CUX2: variants seen among roughly 807,000 people sequenced by gnomAD.
The protein encoded by CUX2 is homeobox protein cut-like 2.
Under a neutral mutation model 144.8 loss-of-function variants are expected in CUX2, and 40 were observed. The observed-to-expected ratio is 0.28, with a 90% CI of 0.21 to 0.36. The LOEUF (loss-of-function observed/expected upper bound fraction) is 0.36, where lower values mean the gene tolerates loss of function less well. CUX2 is among the 10% of genes least tolerant of loss of function. The probability of loss-of-function intolerance (pLI) is 1.00; values close to 1 mark genes in which losing one functional copy is unlikely to be tolerated. For missense variants in CUX2, 1,615 were observed against 1,994.0 expected (o/e 0.81, Z 3.62); for synonymous variants, 827 against 875.6 (o/e 0.94, Z 0.98).
chr12:111,242,421 A>G (rs760309300), intron 3 of CUX2, among the ~76,000 whole-genome samples: 1 of 152,214 alleles, frequency 6.6e-6, no homozygotes, highest in Non-Finnish European at 1.5e-5. Flanking sequence ...CGACAAGGGC[A>G]GAGTTGAGGA....
At chr12:111,264,224 C>T (rs781645491) in intron 4 of CUX2, among the ~76,000 whole-genome samples, 1 of 152,192 alleles carries the variant, frequency 6.6e-6, no homozygotes, top group African/African-American at 2.4e-5. Context: ...GTACCTCCCC[C>T]AGAATGGCAC....
intron 18 of CUX2, among the ~76,000 whole-genome samples, chr12:111,331,520 C>T (rs1440518139): frequency 6.6e-6 from 1 of 152,004 alleles, no homozygotes. Context: ...TCAGGAGGCT[C>T]AGCTCACACT....
At chr12:111,122,228 C>T (rs1018019728) in intron 1 of CUX2, among the ~76,000 whole-genome samples, 2 of 152,328 alleles carry the variant, frequency 1.3e-5, no homozygotes, top group East Asian at 1.9e-4. Context: ...CTCCCCCACC[C>T]GTCCTCCATG....
At chr12:111,069,869 G>A (rs575448361) in intron 1 of CUX2, among the ~76,000 whole-genome samples, 1 of 152,222 alleles carries the variant, frequency 6.6e-6, no homozygotes, top group Non-Finnish European at 1.5e-5. Flanking sequence ...TGGGGAGGCG[G>A]GAGTTCAGCT....
chr12:111,083,722 T>G (rs1397502697), intron 1 of CUX2, among the ~76,000 whole-genome samples: 2 of 149,440 alleles, frequency 1.3e-5, no homozygotes, highest in African/African-American at 5.0e-5. Context: ...AACTCACAGG[T>G]AATAGAAGAT....
At chr12:111,318,728 G>C (rs1377308870) in intron 16 of CUX2, among the ~76,000 whole-genome samples, 1 of 151,864 alleles carries the variant, frequency 6.6e-6, no homozygotes, top group Non-Finnish European at 1.5e-5. Context: ...TGTCACCCAG[G>C]TCGGAGTGCA....
At position 111,348,192 on chromosome 12, in the gene CUX2, G is replaced by A. The variant is rs757367504; in HGVS notation, c.4328G>A (p.Gly1443Glu). The A allele has an allele frequency of 8.1e-6, 13 of 1,614,026 alleles. No individual in the cohort carries two copies. Among genetic ancestry groups the A allele is most frequent in the Non-Finnish European group, 1.1e-5 (13 of 1,180,030 alleles). The change falls in exon 22 of 22, where the codon GGA becomes GAA. Residue 1443 changes from glycine (G) to glutamate (E), a missense_variant. This residue lies in a region of CUX2 where 298 missense variants were observed against 330.4 expected (regional missense o/e 0.90). Transcript: ENST00000261726. The part of the protein sequence containing the change: ...PSASPTADMA[G>E]ALHPSAKVNP... Reference sequence around the variant, plus strand: ...GCCAGCCCCACTGCTGACATGGCTGGAGCCTTGCACCCCAGTGCCAAGGTG... The same window carrying A: ...GCCAGCCCCACTGCTGACATGGCTGAAGCCTTGCACCCCAGTGCCAAGGTG...
chr12:111,252,424 T>C (rs1033586108), intron 3 of CUX2, among the ~76,000 whole-genome samples: 2 of 152,154 alleles, frequency 1.3e-5, no homozygotes, highest in South Asian at 2.1e-4. Context: ...CCTACCCTGC[T>C]ATTTGCTTCC....
chr12:111,306,817 G>C (rs545328138), intron 10 of CUX2, 104 bp from the exon 11 acceptor site: 1 of 922,388 alleles, frequency 1.1e-6, no homozygotes, highest in Admixed American at 2.3e-5. Context: ...CCATCATCCA[G>C]ATCAACAAAT....
intron 1 of CUX2, among the ~76,000 whole-genome samples, chr12:111,154,775 C>T (rs111257637): frequency 0.011 from 1,630 of 152,172 alleles, 37 homozygotes; most frequent in African/African-American, 0.037. Flanking sequence ...TGTGGACTCC[C>T]GGGTCAGAAG....
At chr12:111,243,496 CTTTTTTTTTTT>C (rs761276935) in intron 3 of CUX2, among the ~76,000 whole-genome samples, 1 of 80,020 alleles carries the variant, frequency 1.2e-5, no homozygotes. Context: ...GTTGATGTGC[CTTTTTTTTTTT>C]TTTTTTTTTT....
chr12:111,144,367 T>A (rs1186719518), intron 1 of CUX2, among the ~76,000 whole-genome samples: 1 of 152,192 alleles, frequency 6.6e-6, no homozygotes, highest in East Asian at 1.9e-4. Flanking sequence ...CTGCTTTTCC[T>A]CCTATTCGGA....
In CUX2 at chr12:111,100,191, GTGTGTGTGTGTA is replaced by G. The variant is rs796968767; in HGVS notation, c.63+65963_63+65974del. ...AGCAGGAGCCTGTGACTGTGTGTGT[GTGTGTGTGTGTA>G]TGTGTGTGTGTGCTTGTGTCTGTGT... On this transcript the variant is annotated intron_variant, in intron 1 of 21. Transcript: ENST00000261726. 2.4e-3 allele frequency: 952 copies of G among 391,858 alleles called. 9 individuals carry two copies. The highest frequency in any genetic ancestry group is 0.018 in the African/African-American group (862 of 47,676). 24.3% of individuals were successfully genotyped at this position (391,858 alleles called of 1,614,324 possible). A position where few individuals can be genotyped will look rare whatever the true frequency, so the allele number is the denominator to read the frequency against.
chr12:111,257,200 C>CCCT (rs1883859428), intron 3 of CUX2, among the ~76,000 whole-genome samples: 1 of 150,478 alleles, frequency 6.6e-6, no homozygotes, highest in African/African-American at 2.4e-5. Flanking sequence ...CCTCCCTCTT[C>CCCT]CCTCCTCCTC....
chr12:111,234,103 T>C (rs1241682547), intron 3 of CUX2, among the ~76,000 whole-genome samples: 1 of 152,148 alleles, frequency 6.6e-6, no homozygotes, highest in Non-Finnish European at 1.5e-5. Flanking sequence ...TAGTCTAACA[T>C]TATATGCCCA....
At chr12:111,260,477 A>C (rs1884061490) in intron 3 of CUX2, among the ~76,000 whole-genome samples, 1 of 152,148 alleles carries the variant, frequency 6.6e-6, no homozygotes, top group Non-Finnish European at 1.5e-5. Context: ...AAAAAAAAAA[A>C]AGTATTGGGG....
Position 111,320,745 on chromosome 12 carries a change from C to A in CUX2, c.2736C>A (p.Asn912Lys). 2.5e-6 allele frequency: 4 copies of A among 1,579,020 alleles called. No homozygotes were observed. The highest frequency in any genetic ancestry group is 3.4e-6 in the Non-Finnish European group (4 of 1,169,262). ...TRQVKEKLAK[N>K]GICQRIFGEK... The stretch of plus-strand genomic sequence containing the variant: ...AGGTCAAGGAGAAGCTGGCCAAGAA[C>A]GGCATCTGCCAGAGGATCTTCGGGG... The change falls in exon 17 of 22, where the codon AAC (asparagine) becomes AAA (lysine). Residue 912 changes from asparagine (N) to lysine (K), a missense_variant. Around this residue, in one of 12 missense-constraint regions of CUX2, gnomAD observed 390 missense variants for 387.1 expected, o/e 1.01. Coordinates refer to ENST00000261726, the MANE Select transcript of CUX2 (RefSeq NM_015267.4). This position sits in a 1 kb window ranked among gnomAD's most constrained non-coding sequence, Gnocchi z 8.1.
At chr12:111,272,717 G>C (rs140999529) in intron 4 of CUX2, among the ~76,000 whole-genome samples, 2,653 of 152,276 alleles carry the variant, frequency 0.017, 37 homozygotes, top group Middle Eastern at 0.031. Context: ...ACCTGCCTCG[G>C]CCTCCCAAAG....
intron 21 of CUX2, among the ~76,000 whole-genome samples, chr12:111,346,594 G>A (rs975616318): frequency 3.9e-5 from 6 of 152,128 alleles, no homozygotes; most frequent in Non-Finnish European, 8.8e-5. Context: ...CTATATTAGT[G>A]TACTTTATTG....
Sources: gnomAD v4.1 joint callset for allele counts (sites outside exome capture counted in the v4.1 genomes callset) on GRCh38, gnomAD v4.1.1 for gene constraint, gnomAD v4.1.1 regional missense constraint, Gnocchi (gnomAD v3.1) non-coding constraint, MANE v1.5 for transcripts, NCBI Gene and HGNC (gene_info 2026-07-23, HGNC 2026-07-21) for gene names.